The following PIEZO1 variants were observed in gnomAD, a reference collection of about 807,000 sequenced individuals.
PIEZO1 encodes the protein piezo-type mechanosensitive ion channel component 1.
PIEZO1 carries 296 observed loss-of-function variants against 297.2 expected under a neutral mutation model. That is an observed-to-expected ratio of 1.00 (90% CI 0.91 to 1.10). PIEZO1 has a LOEUF of 1.10. Among genes scored for constraint, PIEZO1 ranks in the 50% least tolerant of loss-of-function variants. The pLI is 0.00. For synonymous variants in PIEZO1, 2,427 were observed against 1,507.5 expected (o/e 1.61, Z -14.13); for missense variants, 5,018 against 3,455.5 (o/e 1.45, Z -11.34).
At chr16:88,717,948 T>G in intron 44 of PIEZO1, 1 of 368,638 alleles carries the variant, frequency 2.7e-6, no homozygotes, top group Non-Finnish European at 5.2e-6. Context: ...CCAGGCCTGG[T>G]GGTGCACACC....
At chr16:88,717,757 A>G in intron 44 of PIEZO1, 1 of 450,822 alleles carries the variant, frequency 2.2e-6, no homozygotes, top group Non-Finnish European at 4.4e-6. Context: ...AGGTTCTAGC[A>G]ACCAGAGAAT....
At chr16:88,746,079 G>T (rs1906039268) in intron 2 of PIEZO1, among the ~76,000 whole-genome samples, 3 of 151,450 alleles carry the variant, frequency 2.0e-5, no homozygotes, top group Admixed American at 2.0e-4. Context: ...CCTGATCCAT[G>T]GGGTGTGCAT....
At chr16:88,737,467 C>T (rs1905299261) in intron 10 of PIEZO1, 92 bp downstream of exon 10, 2 of 841,070 alleles carry the variant, frequency 2.4e-6, no homozygotes, top group East Asian at 2.8e-5. Flanking sequence ...GCGGCGCGAG[C>T]ATGCGAGAGC....
At chr16:88,720,843 TGACA>T in intron 39 of PIEZO1, 95 bp from the exon 40 acceptor site, 7 of 1,335,016 alleles carry the variant, frequency 5.2e-6, no homozygotes, top group Non-Finnish European at 7.0e-6. Context: ...TCTCCCTGTT[TGACA>T]GACAAGCAGA....
intron 16 of PIEZO1, 121 bp downstream of exon 16, chr16:88,734,235 G>T: frequency 1.7e-6 from 2 of 1,204,746 alleles, no homozygotes; most frequent in Non-Finnish European, 2.3e-6. Flanking sequence ...CTTGGTATGA[G>T]CAAATGCCCC....
rs559557496 is a variant in PIEZO1, at chr16:88,715,621, G to A, written c.7550C>T (p.Thr2517Ile). The change falls in exon 51 of 51, where the codon ACT becomes ATT. Residue 2517 changes from threonine to isoleucine, a missense_variant. By Grantham distance (89) the Thr-to-Ile change is moderately conservative. Transcript: ENST00000301015. ...YRSPETMIKW[T>I]REKE ...CAGCAGCTCCTACTCCTTCTCACGA[G>A]TCCACTTGATCATGGTCTCCGGTGA... The A allele has an allele frequency of 6.5e-7, 1 of 1,550,000 alleles. No individual in the cohort carries two copies. Among genetic ancestry groups the A allele is most frequent in the South Asian group, 1.2e-5 (1 of 84,054 alleles).
chr16:88,729,783 T>G (rs1321079040), intron 22 of PIEZO1, among the ~76,000 whole-genome samples: 114 of 141,254 alleles, frequency 8.1e-4, no homozygotes, highest in African/African-American at 2.8e-3. Flanking sequence ...ACCCAGGACA[T>G]GCTGAACCCA....
At chr16:88,720,891 A>G in intron 39 of PIEZO1, 143 bp from the exon 40 acceptor site, 1 of 1,053,114 alleles carries the variant, frequency 9.5e-7, no homozygotes, top group Non-Finnish European at 1.3e-6. Flanking sequence ...GTCACTGGCA[A>G]GGAGACAGCT....
chr16:88,738,186 C>A (rs1485439611), intron 7 of PIEZO1, 41 bp downstream of exon 7: 1 of 1,533,710 alleles, frequency 6.5e-7, no homozygotes, highest in South Asian at 1.2e-5. Flanking sequence ...GTGGGCGGGA[C>A]CAGGGTGGCA....
chr16:88,715,679 C>G lies in PIEZO1; in HGVS notation c.7492G>C (p.Glu2498Gln). 6.5e-7 allele frequency: 1 copy of G among 1,550,322 alleles called. No individual in the cohort carries two copies. The highest frequency in any genetic ancestry group is 2.4e-5 in the East Asian group (1 of 40,924). Residue 2498 changes from glutamate to glutamine, a missense_variant, in exon 51 of 51, where the codon GAG (glutamate) becomes CAG (glutamine). Transcript: ENST00000301015. Reference sequence around the variant, plus strand: ...AGGAAGATGAGCTTGGCGTACAACTCCTCCTCCAGCTCCAGCTCCCGAGTC... The same window carrying G: ...AGGAAGATGAGCTTGGCGTACAACTGCTCCTCCAGCTCCAGCTCCCGAGTC... ...RETRELELEE[E>Q]LYAKLIFLYR...
Position 88,723,114 on chromosome 16 carries a change from G to A in PIEZO1, c.4476C>T (p.Gly1492=), listed in dbSNP as rs1239916973. The A allele has an allele frequency of 1.3e-6, 2 of 1,548,552 alleles. No individual in the cohort carries two copies. The highest frequency in any genetic ancestry group is 1.2e-5 in the South Asian group (1 of 84,052). The part of the protein sequence containing the change: ...GPSQEVEPAE[G]PEEAAAGRSH... ...ACGTACCTGCCGCTGCCTCCTCGGG[G>A]CCCTCTGCTGGCTCCACCTCCTGGC... The change falls in exon 33 of 51, where the codon GGC becomes GGT. Residue 1492 remains glycine (G), a synonymous_variant. Transcript: ENST00000301015.
rs1295192005 is a variant in PIEZO1 at position 88,734,856 on chromosome 16, A to C, written c.1848+19T>G. 2.6e-6 allele frequency: 4 copies of C among 1,548,306 alleles called. No individual in the cohort carries two copies. In the African/African-American group the frequency reaches 5.5e-5, roughly 21 times the overall value. ...GGGGAGGGTCCGTGCCCCAGCCCCCATCCCGGCCCCCCAGCCACCTGGAAG... is the reference window on the plus strand; with the variant it reads ...GGGGAGGGTCCGTGCCCCAGCCCCCCTCCCGGCCCCCCAGCCACCTGGAAG... On this transcript the variant is annotated intron_variant, in intron 14 of 50. Coordinates refer to ENST00000301015, the MANE Select transcript of PIEZO1 (RefSeq NM_001142864.4).
chr16:88,724,065 C>T, intron 30 of PIEZO1, 94 bp from the exon 31 acceptor site: 1 of 740,396 alleles, frequency 1.4e-6, no homozygotes, highest in Non-Finnish European at 2.3e-6. Flanking sequence ...CGAGAGCCAC[C>T]CTTCCCATGC....
intron 1 of PIEZO1, among the ~76,000 whole-genome samples, chr16:88,767,974 T>C (rs1907249865): frequency 6.6e-6 from 1 of 151,868 alleles, no homozygotes; most frequent in Admixed American, 6.6e-5. Flanking sequence ...CTCCCCCGGG[T>C]CCAGACCCCA....
chr16:88,767,906 C>T (rs1483945293), intron 1 of PIEZO1, among the ~76,000 whole-genome samples: 2 of 152,202 alleles, frequency 1.3e-5, no homozygotes, highest in African/African-American at 2.4e-5. Context: ...CCCAAGCCCT[C>T]GCAGACTTCC....
Position 88,719,644 on chromosome 16 carries a change from G to C in PIEZO1, c.6401C>G (p.Ser2134Cys). 1.3e-6 allele frequency: 2 copies of C among 1,554,022 alleles called. No individual in the cohort carries two copies. The highest frequency in any genetic ancestry group is 1.7e-6 in the Non-Finnish European group (2 of 1,148,942). The stretch of plus-strand genomic sequence containing the variant: ...GATGTCCTCCACACACATCCAGCTG[G>C]ACAGGGACAGCGTGGTGTCCGTCCA... ...WVWTDTTLSL[S>C]SWMCVEDIYA... The change falls in exon 44 of 51, where the codon TCC becomes TGC. Residue 2134 changes from serine (S) to cysteine (C), a missense_variant. Physicochemically the swap from Ser to Cys is moderately radical, Grantham distance 112 (BLOSUM62 -1). Coordinates refer to ENST00000301015, the MANE Select transcript of PIEZO1 (RefSeq NM_001142864.4).
chr16:88,770,140 CAG>C (rs1907356192), intron 1 of PIEZO1, among the ~76,000 whole-genome samples: 2 of 152,122 alleles, frequency 1.3e-5, no homozygotes, highest in Admixed American at 1.3e-4. Flanking sequence ...TCTCTCCAGG[CAG>C]AGAGTGCACA....
Position 88,722,494 on chromosome 16 carries a change from G to A in PIEZO1, c.4775+89C>T, listed in dbSNP as rs1181846054. On this transcript the variant is annotated intron_variant, in intron 35 of 50. Transcript: ENST00000301015. Reference sequence around the variant, plus strand: ...TGGAAAGTGCCCACGGTCCTTTGGGGTACAAGGGAATGGCGAGGGTCGGGG... The same window carrying A: ...TGGAAAGTGCCCACGGTCCTTTGGGATACAAGGGAATGGCGAGGGTCGGGG... 5.6e-6 allele frequency: 8 copies of A among 1,433,184 alleles called. No homozygotes were observed. The East Asian group carries it at 1.8e-4, about 31-fold the overall frequency. The allele number at this position is 1,433,184 out of a possible 1,614,324, so 88.8% of individuals were successfully genotyped here.
rs369616258 is a variant in PIEZO1 at position 88,736,036 on chromosome 16, C to T, written c.1557+112G>A. 16 of 1,089,080 alleles carry T rather than the reference C, an allele frequency of 1.5e-5. No homozygotes were observed. In the African/African-American group the frequency reaches 1.6e-4, roughly 11 times the overall value. 67.5% of individuals were successfully genotyped at this position (1,089,080 alleles called of 1,614,324 possible). A position where few individuals can be genotyped will look rare whatever the true frequency, so the allele number is the denominator to read the frequency against. The stretch of plus-strand genomic sequence containing the variant: ...GTGGGCAGAAGGGGACAGACAGACA[C>T]ATCTGCCTTCTTGGCGCTGCCACTC... On this transcript the variant is annotated intron_variant, in intron 12 of 50. Coordinates refer to ENST00000301015, the MANE Select transcript of PIEZO1 (RefSeq NM_001142864.4).
Sources: allele counts gnomAD v4.1 joint callset (sites outside exome capture counted in the v4.1 genomes callset), GRCh38; gene constraint gnomAD v4.1.1; transcripts MANE v1.5; gene names NCBI Gene and HGNC (gene_info 2026-07-23, HGNC 2026-07-21).